RAD51B: variants seen among roughly 807,000 people sequenced by gnomAD.
RAD51B encodes RAD51 paralog B.
RAD51B carries 38 observed loss-of-function variants against 42.2 expected under a neutral mutation model. The ratio of observed to expected loss-of-function variants is 0.90; its 90% CI spans 0.70 to 1.18. The LOEUF (loss-of-function observed/expected upper bound fraction) is 1.18, where lower values mean the gene tolerates loss of function less well. Ranked by LOEUF, RAD51B falls within the 50% of genes most tolerant of loss-of-function variation. The probability of loss-of-function intolerance (pLI) is 0.00; values close to 1 mark genes in which losing one functional copy is unlikely to be tolerated. For missense variants in RAD51B, 373 were observed against 400.7 expected (o/e 0.93, Z 0.59); for synonymous variants, 154 against 145.2 (o/e 1.06, Z -0.43).
chr14:68,222,719 C>T (rs1024778963), intron 7 of RAD51B, among the ~76,000 whole-genome samples: 5 of 152,118 alleles, frequency 3.3e-5, no homozygotes, highest in Non-Finnish European at 5.9e-5. Flanking sequence ...TATTCAAATA[C>T]CCATAGGAGA....
At chr14:68,528,398 C>T (rs1813669007) in intron 10 of RAD51B, among the ~76,000 whole-genome samples, 1 of 152,174 alleles carries the variant, frequency 6.6e-6, no homozygotes, top group African/African-American at 2.4e-5. Flanking sequence ...ATTATTCAAC[C>T]AACTTATTGC....
At chr14:68,104,259 A>T (rs528020137) in intron 7 of RAD51B, among the ~76,000 whole-genome samples, 8 of 152,274 alleles carry the variant, frequency 5.3e-5, no homozygotes, top group Non-Finnish European at 8.8e-5. Flanking sequence ...AAATTATTAT[A>T]TAATAGATAA....
At chr14:68,378,390 C>T (rs901024870) in intron 8 of RAD51B, among the ~76,000 whole-genome samples, 2 of 152,082 alleles carry the variant, frequency 1.3e-5, no homozygotes, top group South Asian at 4.2e-4. Context: ...TAATTGAGAC[C>T]ACCTTCCTCT....
chr14:68,266,641 C>T (rs886070239), intron 7 of RAD51B, among the ~76,000 whole-genome samples: 9 of 152,156 alleles, frequency 5.9e-5, no homozygotes, highest in Non-Finnish European at 1.3e-4. Context: ...CCTGGAAGGG[C>T]GATGGCTTTT....
chr14:68,300,508 C>T lies in RAD51B; in HGVS notation c.853+8528C>T, dbSNP rs139818230. Among the ~76,000 whole-genome samples the T allele has an allele frequency of 8.5e-5, 13 of 152,336 alleles. No homozygotes were observed. The East Asian group carries it at 1.2e-3, about 14-fold the overall frequency. On this transcript the variant is annotated intron_variant, in intron 8 of 10. Coordinates refer to ENST00000471583, the MANE Select transcript of RAD51B (RefSeq NM_133510.4). ...TACAGGTGTAAGCCACCACGCCCAGCGCTCTCCTTTCAAATAAAAATTTTG... is the reference window on the plus strand; with the variant it reads ...TACAGGTGTAAGCCACCACGCCCAGTGCTCTCCTTTCAAATAAAAATTTTG...
chr14:68,268,953 T>G (rs1640476482), intron 7 of RAD51B, among the ~76,000 whole-genome samples: 1 of 152,192 alleles, frequency 6.6e-6, no homozygotes, highest in South Asian at 2.1e-4. Flanking sequence ...GCAGCCACAG[T>G]GTGATCAGAC....
rs564181139 is a variant in RAD51B at position 68,286,548 on chromosome 14, C to T, written c.757-5336C>T. Among the ~76,000 whole-genome samples, 28 of 152,284 alleles carry T rather than the reference C, an allele frequency of 1.8e-4. 1 individual carries two copies. In the Middle Eastern group the frequency reaches 0.01, roughly 55 times the overall value. On this transcript the variant is annotated intron_variant, in intron 7 of 10. Transcript: ENST00000471583. The stretch of plus-strand genomic sequence containing the variant: ...CAAAGGCTGTGTCTTCAGGCCTGGC[C>T]ATTTCCCACTCAGGTCTCCAGTGCT...
chr14:67,829,467 C>G (rs1023791176), intron 3 of RAD51B, among the ~76,000 whole-genome samples: 1 of 152,110 alleles, frequency 6.6e-6, no homozygotes, highest in Non-Finnish European at 1.5e-5. Flanking sequence ...TGGTCTCGAT[C>G]TCCTGACCTC....
At chr14:68,585,052 T>A (rs1433607238) in intron 10 of RAD51B, among the ~76,000 whole-genome samples, 1 of 152,170 alleles carries the variant, frequency 6.6e-6, no homozygotes, top group Non-Finnish European at 1.5e-5. Context: ...ACCCATAGGA[T>A]GCGGCGGTCA....
At chr14:68,055,262 A>T (rs994461179) in intron 7 of RAD51B, among the ~76,000 whole-genome samples, 2 of 152,214 alleles carry the variant, frequency 1.3e-5, no homozygotes, top group Non-Finnish European at 2.9e-5. Flanking sequence ...CATGTTCAGT[A>T]TAGCTAATTT....
intron 10 of RAD51B, among the ~76,000 whole-genome samples, chr14:68,483,436 C>A (rs1883359355): frequency 6.6e-6 from 1 of 152,176 alleles, no homozygotes; most frequent in African/African-American, 2.4e-5. Flanking sequence ...CCAGTTAACT[C>A]TGGGTACTTT....
chr14:67,841,995 G>A (rs1049173045), intron 4 of RAD51B, among the ~76,000 whole-genome samples: 2 of 152,068 alleles, frequency 1.3e-5, no homozygotes, highest in African/African-American at 4.8e-5. Context: ...CCATTTTAAC[G>A]GTATTGATTC....
At chr14:68,618,355 T>A (rs1891868903) in intron 10 of RAD51B, among the ~76,000 whole-genome samples, 1 of 152,188 alleles carries the variant, frequency 6.6e-6, no homozygotes, top group Non-Finnish European at 1.5e-5. Flanking sequence ...TCCTTTCCTG[T>A]CAAATCACTG....
chr14:68,356,176 T>C (rs932447860), intron 8 of RAD51B, among the ~76,000 whole-genome samples: 1 of 152,214 alleles, frequency 6.6e-6, no homozygotes, highest in African/African-American at 2.4e-5. Flanking sequence ...CTCACGCCTG[T>C]AATCCCAGCA....
chr14:68,199,247 T>C lies in RAD51B; in HGVS notation c.757-92637T>C, dbSNP rs190892607. On this transcript the variant is annotated intron_variant, in intron 7 of 10. Transcript: ENST00000471583. ...ACCAGTGCAGAGCACAGAAAGACTA[T>C]TTTTTTTCCTTACTCTGAACACTAT... Among the ~76,000 whole-genome samples the C allele has an allele frequency of 9.5e-4, 145 of 152,248 alleles. 1 individual carries two copies. The highest frequency in any genetic ancestry group is 1.7e-3 in the Non-Finnish European group (114 of 68,008).
At chr14:67,982,018 C>T (rs1045722579) in intron 7 of RAD51B, among the ~76,000 whole-genome samples, 1 of 152,150 alleles carries the variant, frequency 6.6e-6, no homozygotes, top group African/African-American at 2.4e-5. Context: ...CTCACTGCAG[C>T]CTCTGCCTCC....
rs145478748 is a variant in RAD51B, at chr14:68,581,815, G to A, written c.1037-12670G>A. Among the ~76,000 whole-genome samples, 17 of 152,198 alleles carry A rather than the reference G, an allele frequency of 1.1e-4. 1 individual carries two copies. In the East Asian group the frequency reaches 2.9e-3, roughly 26 times the overall value. Reference sequence around the variant, plus strand: ...GTACTAGTACCAAAACAGATACATAGACAAATGGAACAGAACAGAGGCCTC... The same window carrying A: ...GTACTAGTACCAAAACAGATACATAAACAAATGGAACAGAACAGAGGCCTC... On this transcript the variant is annotated intron_variant, in intron 10 of 10. Transcript: ENST00000487270.
chr14:67,844,668 G>A (rs1004404107), intron 4 of RAD51B, among the ~76,000 whole-genome samples: 7 of 150,604 alleles, frequency 4.6e-5, no homozygotes, highest in Non-Finnish European at 8.9e-5. Flanking sequence ...TGTGCACAGC[G>A]TGCAGGTTTG....
intron 8 of RAD51B, among the ~76,000 whole-genome samples, chr14:68,335,670 A>C (rs1175991884): frequency 6.6e-6 from 1 of 152,210 alleles, no homozygotes; most frequent in Non-Finnish European, 1.5e-5. Flanking sequence ...GGGATCATCT[A>C]ATAGAATTTA....
Sources: allele counts gnomAD v4.1 joint callset (sites outside exome capture counted in the v4.1 genomes callset), GRCh38; gene constraint gnomAD v4.1.1; transcripts MANE v1.5; gene names NCBI Gene and HGNC (gene_info 2026-07-23, HGNC 2026-07-21).